The following MAGI2 variants were observed in gnomAD, a reference collection of about 807,000 sequenced individuals.
MAGI2 encodes membrane-associated guanylate kinase, WW and PDZ domain-containing protein 2.
A neutral mutation model predicts 133.3 loss-of-function variants in MAGI2; 35 were observed. The observed-to-expected ratio is 0.26, with a 90% CI of 0.20 to 0.35. The LOEUF (loss-of-function observed/expected upper bound fraction) is 0.35. MAGI2 is among the 10% of genes least tolerant of loss of function. The probability of loss-of-function intolerance (pLI) is 1.00; values close to 1 mark genes in which losing one functional copy is unlikely to be tolerated. For missense variants in MAGI2, 1,636 were observed against 1,863.4 expected (o/e 0.88, Z 2.25); for synonymous variants, 729 against 710.6 (o/e 1.03, Z -0.41).
intron 2 of MAGI2, among the ~76,000 whole-genome samples, chr7:78,814,478 A>C (rs1310817687): frequency 6.6e-6 from 1 of 152,216 alleles, no homozygotes; most frequent in Non-Finnish European, 1.5e-5. Context: ...CAGTAAAATA[A>C]AAATACTAAT....
At chr7:79,118,331 A>G (rs1819585230) in intron 1 of MAGI2, among the ~76,000 whole-genome samples, 1 of 152,202 alleles carries the variant, frequency 6.6e-6, no homozygotes, top group South Asian at 2.1e-4. Flanking sequence ...ATAATGTAGT[A>G]CAAGAGGAGG....
At chr7:79,059,557 T>G (rs1274801549) in intron 1 of MAGI2, among the ~76,000 whole-genome samples, 1 of 152,102 alleles carries the variant, frequency 6.6e-6, no homozygotes, top group Non-Finnish European at 1.5e-5. Context: ...AAATGCTACC[T>G]GAGTCAAATT....
intron 9 of MAGI2, among the ~76,000 whole-genome samples, chr7:78,266,590 T>G (rs1054579079): frequency 2.6e-5 from 4 of 151,686 alleles, no homozygotes; most frequent in Non-Finnish European, 5.9e-5. Flanking sequence ...ATCCCTTTTT[T>G]TTTTTGAGAC....
At chr7:78,530,527 A>C (rs1164420269) in intron 3 of MAGI2, among the ~76,000 whole-genome samples, 1 of 152,162 alleles carries the variant, frequency 6.6e-6, no homozygotes, top group Non-Finnish European at 1.5e-5. Flanking sequence ...CCTCTTTATA[A>C]TTAGTCATAG....
chr7:78,019,836 C>G lies in MAGI2; in HGVS notation c.3847G>C (p.Gly1283Arg), dbSNP rs746687067. The G allele has an allele frequency of 6.2e-7, 1 of 1,613,594 alleles. No individual in the cohort carries two copies. Among genetic ancestry groups the G allele is most frequent in the South Asian group, 1.1e-5 (1 of 91,070 alleles). ...PSDPSHQISP[G>R]PTWDIKREHD... ...TCCCGTTTGATATCCCAAGTTGGGC[C>G]TGGGCTTATCTGGTGGGAAGGGTCG... The change falls in exon 22 of 22, where the codon GGC becomes CGC. Residue 1283 changes from glycine to arginine, a missense_variant. Gly to Arg is a moderately radical substitution (Grantham distance 125). This residue lies in a region of MAGI2 where 354 missense variants were observed against 298.7 expected (regional missense o/e 1.19). Coordinates refer to ENST00000354212, the MANE Select transcript of MAGI2 (RefSeq NM_012301.4).
intron 2 of MAGI2, among the ~76,000 whole-genome samples, chr7:78,943,460 C>T (rs1801151066): frequency 6.6e-6 from 1 of 152,106 alleles, no homozygotes; most frequent in Non-Finnish European, 1.5e-5. Context: ...GATTAATTTT[C>T]TGTGTTCCTA....
At chr7:79,252,225 G>T (rs1462825202) in intron 1 of MAGI2, among the ~76,000 whole-genome samples, 1 of 149,794 alleles carries the variant, frequency 6.7e-6, no homozygotes, top group African/African-American at 2.4e-5. Flanking sequence ...TATACATGAT[G>T]AAATACTATT....
intron 1 of MAGI2, among the ~76,000 whole-genome samples, chr7:79,388,947 C>T (rs964299841): frequency 1.3e-5 from 2 of 151,082 alleles, no homozygotes; most frequent in African/African-American, 4.9e-5. Flanking sequence ...AAGTATATAA[C>T]CTTTCCATAA....
At chr7:79,329,042 G>C (rs145173699) in intron 1 of MAGI2, among the ~76,000 whole-genome samples, 190 of 152,310 alleles carry the variant, frequency 1.2e-3, no homozygotes, top group Non-Finnish European at 2.3e-3. Context: ...TATGTTTAAA[G>C]AGTCCTAAAG....
chr7:78,249,737 A>G (rs1792186872), intron 10 of MAGI2, among the ~76,000 whole-genome samples: 1 of 152,102 alleles, frequency 6.6e-6, no homozygotes, highest in Non-Finnish European at 1.5e-5. Flanking sequence ...GGGAAATTGT[A>G]CAAAGGATAC....
chr7:78,645,488 A>G lies in MAGI2; in HGVS notation c.419-18249T>C, dbSNP rs144968341. 4.6e-3 allele frequency among the ~76,000 whole-genome samples: 694 copies of G among 152,330 alleles called. 5 individuals carry two copies. Among genetic ancestry groups the G allele is most frequent in the Middle Eastern group, 0.01 (3 of 294 alleles). ...ACGTAGAGCTTTTACAAAGTATGCA[A>G]AGTTGATTTAATATTCAAAAATCAA... On this transcript the variant is annotated intron_variant, in intron 2 of 21. Transcript: ENST00000354212.
intron 1 of MAGI2, among the ~76,000 whole-genome samples, chr7:79,340,190 C>T (rs1840786150): frequency 6.6e-6 from 1 of 151,898 alleles, no homozygotes; most frequent in African/African-American, 2.4e-5. Context: ...GGTTTATGTA[C>T]CTATCATTCT....
At position 78,476,202 on chromosome 7, in the gene MAGI2, C is replaced by T. The variant is rs550250253; in HGVS notation, c.1045+13559G>A. Among the ~76,000 whole-genome samples, 7 of 151,934 alleles carry T rather than the reference C, an allele frequency of 4.6e-5. No homozygotes were observed. The South Asian group carries it at 1.5e-3, about 32-fold the overall frequency. ...GCATTAAAATGAGTAAAATGACTTA[C>T]GATATCATGTAAGAACTAAGTACTA... On this transcript the variant is annotated intron_variant, in intron 6 of 21. Coordinates refer to ENST00000354212, the MANE Select transcript of MAGI2 (RefSeq NM_012301.4).
At chr7:78,498,015 G>T (rs1376856194) in intron 5 of MAGI2, among the ~76,000 whole-genome samples, 1 of 151,618 alleles carries the variant, frequency 6.6e-6, no homozygotes. Flanking sequence ...TTTCCCTCTG[G>T]TTTACCTTCC....
At chr7:78,500,253 A>C (rs936770017) in intron 5 of MAGI2, among the ~76,000 whole-genome samples, 1 of 152,218 alleles carries the variant, frequency 6.6e-6, no homozygotes, top group African/African-American at 2.4e-5. Flanking sequence ...CTGCCTATAG[A>C]GATCTAAGTT....
chr7:79,236,544 A>G (rs925646659), intron 1 of MAGI2, among the ~76,000 whole-genome samples: 20 of 152,242 alleles, frequency 1.3e-4, no homozygotes, highest in African/African-American at 4.6e-4. Context: ...GCTGACCAGC[A>G]ATCTCCATTC....
At chr7:78,827,230 T>C (rs906311882) in intron 2 of MAGI2, among the ~76,000 whole-genome samples, 3 of 152,156 alleles carry the variant, frequency 2.0e-5, no homozygotes, top group African/African-American at 7.2e-5. Context: ...CTAATACCAT[T>C]CTTAATAAAA....
At chr7:79,298,976 T>A (rs1420480372) in intron 1 of MAGI2, among the ~76,000 whole-genome samples, 2 of 152,170 alleles carry the variant, frequency 1.3e-5, no homozygotes, top group Non-Finnish European at 2.9e-5. Flanking sequence ...TAAATTTCTG[T>A]TGTATAAGCC....
At chr7:78,220,210 A>G (rs1374831001) in intron 10 of MAGI2, among the ~76,000 whole-genome samples, 2 of 152,116 alleles carry the variant, frequency 1.3e-5, no homozygotes, top group African/African-American at 4.8e-5. Context: ...ATTTCTACCT[A>G]GAACTCCTAC....
Sources: gnomAD v4.1 joint callset for allele counts (sites outside exome capture counted in the v4.1 genomes callset) on GRCh38, gnomAD v4.1.1 for gene constraint, gnomAD v4.1.1 regional missense constraint, MANE v1.5 for transcripts, NCBI Gene and HGNC (gene_info 2026-07-23, HGNC 2026-07-21) for gene names.